RNFT1: variants seen among roughly 807,000 people sequenced by gnomAD.
RNFT1 encodes the protein E3 ubiquitin-protein ligase RNFT1.
In RNFT1, 35 loss-of-function variants were observed where a neutral mutation model predicts 53.2. The ratio of observed to expected loss-of-function variants is 0.66; its 90% CI spans 0.50 to 0.87. The LOEUF (loss-of-function observed/expected upper bound fraction) is 0.87. Among genes scored for constraint, RNFT1 ranks in the 40% least tolerant of loss-of-function variants. The pLI is 0.00. For missense variants in RNFT1, 421 were observed against 515.0 expected, an observed-to-expected ratio of 0.82 and a Z score of 1.77; for synonymous variants, 141 against 172.8, an observed-to-expected ratio of 0.82 and a Z score of 1.44.
At chr17:59,957,782 T>A (rs149359685) in intron 5 of RNFT1, among the ~76,000 whole-genome samples, 6,497 of 152,046 alleles carry the variant, frequency 0.043, 489 homozygotes, top group African/African-American at 0.15. Context: ...GAGGCGGAGG[T>A]TGCAGTGAGC....
chr17:59,959,771 G>A (rs765434559), intron 4 of RNFT1: 19 of 165,874 alleles, frequency 1.1e-4, no homozygotes, highest in African/African-American at 1.7e-4. Context: ...TTTGCCAGGC[G>A]TGGTGGCGTG....
chr17:59,961,480 C>A (rs2045291601), intron 3 of RNFT1, among the ~76,000 whole-genome samples: 1 of 152,088 alleles, frequency 6.6e-6, no homozygotes, highest in Admixed American at 6.5e-5. Flanking sequence ...TTAAAGTTGC[C>A]TTAAGGTGAA....
At chr17:59,954,974 A>G (rs2045244850) in intron 7 of RNFT1, among the ~76,000 whole-genome samples, 1 of 152,224 alleles carries the variant, frequency 6.6e-6, no homozygotes, top group South Asian at 2.1e-4. Context: ...TGTGATGTCA[A>G]TAACCCTCAG....
chr17:59,960,403 A>T (rs2145118509), intron 3 of RNFT1, among the ~76,000 whole-genome samples: 1 of 131,394 alleles, frequency 7.6e-6, no homozygotes, highest in African/African-American at 2.8e-5. Flanking sequence ...TATGAAAAAC[A>T]TTACCTATGT....
At position 59,963,071 on chromosome 17, in the gene RNFT1, A is replaced by T; in HGVS notation, c.270T>A (p.Cys90Ter). 6.2e-7 allele frequency: 1 copy of T among 1,614,236 alleles called. No individual in the cohort carries two copies. Among genetic ancestry groups the T allele is most frequent in the Non-Finnish European group, 8.5e-7 (1 of 1,180,044 alleles). Residue 90 changes from cysteine to a stop codon, truncating the protein, a stop_gained, in exon 2 of 9, where the codon TGT becomes TGA. Transcript: ENST00000305783. LOFTEE classifies it high-confidence loss of function. ...TATTTCTGGAGCTTGCATTTTCTGC[A>T]CATTCTTTAGGTATGGAGTTTATCT... is the stretch of plus-strand genomic sequence containing the variant. ...HIQINSIPKE[C>*]AENASSRNIR...
chr17:59,962,429 TC>T (rs2045300495), intron 3 of RNFT1, 110 bp downstream of exon 3: 1 of 683,472 alleles, frequency 1.5e-6, no homozygotes, highest in South Asian at 2.0e-5. Context: ...TTACAATATA[TC>T]CTATTACTTC....
Position 59,957,716 on chromosome 17 carries a change from G to A in RNFT1, c.847-334C>T, listed in dbSNP as rs764329459. ...AAAAATTAACTGGGTGTGGTGGTGG[G>A]CACCTGTAATCCCAGCTACTCAGGA... On this transcript the variant is annotated intron_variant, in intron 5 of 8. Transcript: ENST00000305783. Among the ~76,000 whole-genome samples, 26 of 152,142 alleles carry A rather than the reference G, an allele frequency of 1.7e-4. 1 individual carries two copies. In the East Asian group the frequency reaches 4.4e-3, roughly 26 times the overall value.
At chr17:59,955,187 A>G (rs2045246026) in intron 7 of RNFT1, among the ~76,000 whole-genome samples, 1 of 152,190 alleles carries the variant, frequency 6.6e-6, no homozygotes, top group South Asian at 2.1e-4. Flanking sequence ...GTAAAACTCA[A>G]AGGATAAAGA....
Position 59,964,628 on chromosome 17 carries a change from C to T in RNFT1, c.36G>A (p.Pro12=). 1 of 1,607,744 alleles carries T rather than the reference C, an allele frequency of 6.2e-7. No individual in the cohort carries two copies. The highest frequency in any genetic ancestry group is 8.5e-7 in the Non-Finnish European group (1 of 1,177,270). Residue 12 remains proline (P), a synonymous_variant, in exon 1 of 9, where the codon CCG becomes CCA. Coordinates refer to ENST00000305783, the MANE Select transcript of RNFT1 (RefSeq NM_016125.4). ...PLFLLSLPTP[P]SASGHERRQR... The stretch of plus-strand genomic sequence containing the variant: ...CTAACCTCTCATGACCAGAAGCGGA[C>T]GGAGGTGTCGGGAGCGACAGCAAGA...
chr17:59,958,662 A>C, intron 4 of RNFT1: 1 of 596,390 alleles, frequency 1.7e-6, no homozygotes, highest in South Asian at 1.5e-5. Context: ...AGAATAAGGA[A>C]AAAGTCTTCA....
At chr17:59,953,948 A>AT (rs774062610) in intron 8 of RNFT1, 97 bp downstream of exon 8, 11,063 of 606,212 alleles carry the variant, frequency 0.018, 4 homozygotes, top group Middle Eastern at 0.021. Flanking sequence ...TAAACACTAG[A>AT]TTTTTTTTTT....
intron 8 of RNFT1, 29 bp from the exon 9 acceptor site, chr17:59,953,140 T>A: frequency 1.3e-6 from 2 of 1,544,176 alleles, no homozygotes. Context: ...TTAGATTTGA[T>A]ATTTGATAAT....
intron 4 of RNFT1, chr17:59,958,748 T>G (rs1178342255): frequency 2.4e-5 from 11 of 453,414 alleles, no homozygotes; most frequent in Non-Finnish European, 4.7e-5. Flanking sequence ...GCTGTGTTTT[T>G]CTTAACCAAT....
At chr17:59,959,791 T>A (rs1456298118) in intron 4 of RNFT1, 1 of 178,324 alleles carries the variant, frequency 5.6e-6, no homozygotes, top group African/African-American at 2.4e-5. Context: ...GTGCCTGTAA[T>A]CCCAGCTACT....
At position 59,962,880 on chromosome 17, in the gene RNFT1, CTT is replaced by C; in HGVS notation, c.459_460del (p.Leu155SerfsTer125). 5.6e-6 allele frequency: 9 copies of C among 1,613,870 alleles called. No homozygotes were observed. Among genetic ancestry groups the C allele is most frequent in the Non-Finnish European group, 7.6e-6 (9 of 1,179,838 alleles). On this transcript the variant is annotated frameshift_variant, in exon 2 of 9. Transcript: ENST00000305783. LOFTEE classifies it high-confidence loss of function. The stretch of plus-strand genomic sequence containing the variant: ...GCTCAGAATCAAAATATATGGAAGA[CTT>C]TTTTGCAGCCACTTGAAGAGATAGC...
chr17:59,954,083 G>C lies in RNFT1; in HGVS notation c.1135C>G (p.Gln379Glu), dbSNP rs764447891. The C allele has an allele frequency of 3.1e-6, 5 of 1,599,054 alleles. No homozygotes were observed. In the East Asian group the frequency reaches 6.8e-5, roughly 22 times the overall value. ...AGAATTGGCTTCTGAAATTCAGCTT[G>C]ACATATTGAACAAATATCATCCACA... ...SDVDDICSIC[Q>E]AEFQKPILLI... Residue 379 changes from glutamine to glutamate, a missense_variant, in exon 8 of 9, where the codon CAA becomes GAA. Physicochemically the swap from Gln to Glu is conservative, Grantham distance 29. Transcript: ENST00000305783.
At chr17:59,958,691 A>C (rs1168652263) in intron 4 of RNFT1, 11 of 542,780 alleles carry the variant, frequency 2.0e-5, no homozygotes, top group Non-Finnish European at 3.5e-5. Flanking sequence ...CATAGTTGAC[A>C]CCTTTCTAGC....
chr17:59,961,781 T>C (rs2045293997), intron 3 of RNFT1, among the ~76,000 whole-genome samples: 1 of 151,820 alleles, frequency 6.6e-6, no homozygotes, highest in Admixed American at 6.6e-5. Context: ...TTCACCACAT[T>C]GGCCAGGCTG....
chr17:59,957,977 TA>T (rs1468288798), intron 5 of RNFT1, among the ~76,000 whole-genome samples: 1 of 152,236 alleles, frequency 6.6e-6, no homozygotes, highest in African/African-American at 2.4e-5. Context: ...AACCACTGAA[TA>T]ATTGTACATA....
Sources: allele counts gnomAD v4.1 joint callset (sites outside exome capture counted in the v4.1 genomes callset), GRCh38; gene constraint gnomAD v4.1.1; transcripts MANE v1.5; gene names NCBI Gene and HGNC (gene_info 2026-07-23, HGNC 2026-07-21).